Variants in FAM135B observed in about 807,000 individuals in gnomAD.
The protein encoded by FAM135B is protein FAM135B.
A neutral mutation model predicts 127.7 loss-of-function variants in FAM135B; 43 were observed. The ratio of observed to expected loss-of-function variants is 0.34; its 90% CI spans 0.26 to 0.43. The LOEUF is 0.43. FAM135B is among the 20% of genes least tolerant of loss of function. The pLI, the probability that FAM135B is intolerant of heterozygous loss-of-function variation, is 1.00. For synonymous variants in FAM135B, 670 were observed against 665.1 expected (o/e 1.01, Z -0.11); for missense variants, 1,558 against 1,725.6 (o/e 0.90, Z 1.72).
intron 2 of FAM135B, among the ~76,000 whole-genome samples, chr8:138,362,236 C>A (rs1001276049): frequency 6.6e-6 from 1 of 150,780 alleles, no homozygotes; most frequent in African/African-American, 2.4e-5. Context: ...TTCTTTTATA[C>A]CCATTAACCA....
chr8:138,131,748 C>T lies in FAM135B; in HGVS notation c.*845G>A, dbSNP rs1050506240. Reference sequence around the variant, plus strand: ...GAAGTGTATCAGCAGGAGCTTCACACGTGTGTGCATTCATCTCAGTGCCCC... The same window carrying T: ...GAAGTGTATCAGCAGGAGCTTCACATGTGTGTGCATTCATCTCAGTGCCCC... On this transcript the variant is annotated 3_prime_UTR_variant, in exon 20 of 20. Transcript: ENST00000395297. 2.0e-5 allele frequency: 3 copies of T among 152,620 alleles called. No individual in the cohort carries two copies. The highest frequency in any genetic ancestry group is 2.1e-4 in the South Asian group (1 of 4,830). The allele number at this position is 152,620 out of a possible 1,614,324, so 9.5% of individuals were successfully genotyped here. A position where few individuals can be genotyped will look rare whatever the true frequency, so the allele number is the denominator to read the frequency against.
At chr8:138,372,070 C>A (rs1228960980) in intron 1 of FAM135B, among the ~76,000 whole-genome samples, 1 of 152,214 alleles carries the variant, frequency 6.6e-6, no homozygotes, top group Non-Finnish European at 1.5e-5. Context: ...TCAGGTACGG[C>A]CTCCCTGGGA....
chr8:138,403,870 G>A (rs1451664946), intron 1 of FAM135B, among the ~76,000 whole-genome samples: 1 of 152,190 alleles, frequency 6.6e-6, no homozygotes, highest in East Asian at 1.9e-4. Context: ...AGCAATGTCT[G>A]AAAACATTTT....
chr8:138,417,275 G>A (rs992667400), intron 1 of FAM135B, among the ~76,000 whole-genome samples: 1 of 152,152 alleles, frequency 6.6e-6, no homozygotes, highest in African/African-American at 2.4e-5. Flanking sequence ...GCACCTAGTT[G>A]CAACACAGCC....
chr8:138,273,367 G>A (rs915814342), intron 3 of FAM135B, among the ~76,000 whole-genome samples: 19 of 152,018 alleles, frequency 1.2e-4, no homozygotes, highest in African/African-American at 2.7e-4. Flanking sequence ...CACCATGCCC[G>A]GCTAATTTTT....
intron 9 of FAM135B, among the ~76,000 whole-genome samples, chr8:138,193,921 T>C (rs1208101592): frequency 6.6e-6 from 1 of 152,210 alleles, no homozygotes; most frequent in Non-Finnish European, 1.5e-5. Flanking sequence ...TTGACGCTTC[T>C]GGCCCCTGCC....
chr8:138,385,142 C>G (rs956526004), intron 1 of FAM135B, among the ~76,000 whole-genome samples: 1 of 152,176 alleles, frequency 6.6e-6, no homozygotes, highest in African/African-American at 2.4e-5. Flanking sequence ...CCACTTGCCT[C>G]AAAGGGCCTT....
chr8:138,258,623 C>CT (rs1346723093), intron 4 of FAM135B, among the ~76,000 whole-genome samples: 2 of 152,164 alleles, frequency 1.3e-5, no homozygotes, highest in African/African-American at 4.8e-5. Flanking sequence ...TCCTTAGGAA[C>CT]TGGGAGAGAA....
chr8:138,148,241 T>G (rs146962478), intron 14 of FAM135B, among the ~76,000 whole-genome samples: 1 of 152,362 alleles, frequency 6.6e-6, no homozygotes, highest in African/African-American at 2.4e-5. Context: ...TATTCATCAT[T>G]TATTCCATTT....
chr8:138,190,778 C>G (rs752597446), intron 9 of FAM135B, among the ~76,000 whole-genome samples: 1 of 152,184 alleles, frequency 6.6e-6, no homozygotes, highest in Non-Finnish European at 1.5e-5. Flanking sequence ...CTTATCTTAA[C>G]CCAGACTCCC....
At chr8:138,402,615 T>C (rs1309398391) in intron 1 of FAM135B, among the ~76,000 whole-genome samples, 6 of 152,120 alleles carry the variant, frequency 3.9e-5, no homozygotes, top group Admixed American at 1.3e-4. Context: ...AAAACCAAGA[T>C]ACAAAGAGAG....
At chr8:138,345,413 G>A (rs77730921) in intron 2 of FAM135B, among the ~76,000 whole-genome samples, 2,033 of 152,332 alleles carry the variant, frequency 0.013, 22 homozygotes, top group Non-Finnish European at 0.021. Context: ...AAGAGTGCTT[G>A]TAGCAGCAGC....
chr8:138,422,323 A>T (rs1220551698), intron 1 of FAM135B, among the ~76,000 whole-genome samples: 6 of 152,202 alleles, frequency 3.9e-5, no homozygotes, highest in Non-Finnish European at 8.8e-5. Context: ...TTATTAATAG[A>T]TTAAACAGAA....
chr8:138,219,019 G>A (rs899585543), intron 7 of FAM135B, among the ~76,000 whole-genome samples: 2 of 152,154 alleles, frequency 1.3e-5, no homozygotes, highest in Non-Finnish European at 2.9e-5. Context: ...AATATCATGT[G>A]CCTACTTACC....
At chr8:138,301,275 C>T (rs1825867309) in intron 3 of FAM135B, among the ~76,000 whole-genome samples, 1 of 152,196 alleles carries the variant, frequency 6.6e-6, no homozygotes, top group South Asian at 2.1e-4. Context: ...TGCCAGGCAT[C>T]ATACTTCATT....
At chr8:138,441,735 T>C (rs1017873991) in intron 1 of FAM135B, 2 of 151,868 alleles carry the variant, frequency 1.3e-5, no homozygotes, top group African/African-American at 4.9e-5. Context: ...TTTTTTTTTT[T>C]CCTTAGATTA....
rs186927347 is a variant in FAM135B, at chr8:138,205,124, C to G, written c.670-7455G>C. The stretch of plus-strand genomic sequence containing the variant: ...GTATCATCATAAAAAACAGCTAACA[C>G]TTATTATTTGACTCTTAAATGTCAG... On this transcript the variant is annotated intron_variant, in intron 7 of 19. Coordinates refer to ENST00000395297, the MANE Select transcript of FAM135B (RefSeq NM_015912.4). Among the ~76,000 whole-genome samples, 509 of 152,306 alleles carry G rather than the reference C, an allele frequency of 3.3e-3. 2 individuals are homozygous for G. The highest frequency in any genetic ancestry group is 0.011 in the African/African-American group (471 of 41,554).
At chr8:138,426,052 T>C (rs1316803579) in intron 1 of FAM135B, among the ~76,000 whole-genome samples, 73 of 72,632 alleles carry the variant, frequency 1.0e-3, no homozygotes, top group African/African-American at 2.6e-3. Flanking sequence ...CACACACACA[T>C]ATATATATAC....
At chr8:138,317,001 A>C (rs1342534987) in intron 2 of FAM135B, among the ~76,000 whole-genome samples, 1 of 152,030 alleles carries the variant, frequency 6.6e-6, no homozygotes, top group East Asian at 1.9e-4. Flanking sequence ...AAAATTAAAC[A>C]TACAACTGTC....
Sources: allele counts gnomAD v4.1 joint callset (sites outside exome capture counted in the v4.1 genomes callset), GRCh38; gene constraint gnomAD v4.1.1; transcripts MANE v1.5; gene names NCBI Gene and HGNC (gene_info 2026-07-23, HGNC 2026-07-21).